GABBR2: variants seen among roughly 807,000 people sequenced by gnomAD.
The protein encoded by GABBR2 is gamma-aminobutyric acid type B receptor subunit 2.
GABBR2 carries 23 observed loss-of-function variants against 105.6 expected under a neutral mutation model. That is an observed-to-expected ratio of 0.22 (90% confidence interval 0.16 to 0.31). The LOEUF (loss-of-function observed/expected upper bound fraction) is 0.31, where lower values mean the gene tolerates loss of function less well. Among genes scored for constraint, GABBR2 ranks in the 10% least tolerant of loss-of-function variants. The pLI is 1.00. For synonymous variants in GABBR2, 478 were observed against 499.7 expected (o/e 0.96, Z 0.58); for missense variants, 734 against 1,245.5 (o/e 0.59, Z 6.18).
intron 2 of GABBR2, among the ~76,000 whole-genome samples, chr9:98,546,170 T>C (rs1168643086): frequency 6.6e-6 from 1 of 152,218 alleles, no homozygotes; most frequent in Non-Finnish European, 1.5e-5. Context: ...ACAAGTTCCA[T>C]GGTGGCTGGA....
chr9:98,397,618 C>T (rs1832317561), intron 8 of GABBR2, among the ~76,000 whole-genome samples: 1 of 152,168 alleles, frequency 6.6e-6, no homozygotes, highest in South Asian at 2.1e-4. Flanking sequence ...GAAATATCTT[C>T]ATATTTTCTT....
At chr9:98,352,487 T>C (rs975862148) in intron 13 of GABBR2, among the ~76,000 whole-genome samples, 15 of 152,030 alleles carry the variant, frequency 9.9e-5, no homozygotes, top group Admixed American at 7.2e-4. Context: ...ATGCCAGTCA[T>C]GGGCAGGGTG....
intron 14 of GABBR2, among the ~76,000 whole-genome samples, chr9:98,310,821 C>T (rs1469093014): frequency 6.6e-6 from 1 of 152,178 alleles, no homozygotes. Context: ...GGGTTACTCT[C>T]TGGTTAAGAT....
intron 13 of GABBR2, among the ~76,000 whole-genome samples, chr9:98,362,221 A>G (rs1196216661): frequency 2.6e-5 from 4 of 152,264 alleles, no homozygotes; most frequent in Non-Finnish European, 5.9e-5. Context: ...ACTGCAAGAC[A>G]ACTAAAAATA....
At chr9:98,650,806 T>C (rs1422480688) in intron 1 of GABBR2, among the ~76,000 whole-genome samples, 3 of 152,236 alleles carry the variant, frequency 2.0e-5, no homozygotes, top group Non-Finnish European at 4.4e-5. Flanking sequence ...GTTTTGAAGA[T>C]ACTGTGTTTA....
intron 13 of GABBR2, among the ~76,000 whole-genome samples, chr9:98,320,022 C>T (rs1830790905): frequency 6.6e-6 from 1 of 152,062 alleles, no homozygotes; most frequent in Non-Finnish European, 1.5e-5. Flanking sequence ...AAAGAAACTA[C>T]CATCAGAGTG....
intron 10 of GABBR2, among the ~76,000 whole-genome samples, chr9:98,386,703 C>T (rs1035024276): frequency 1.3e-5 from 2 of 152,190 alleles, no homozygotes; most frequent in African/African-American, 4.8e-5. Context: ...GGTTGAGGGG[C>T]TCTTTTGCAG....
chr9:98,677,150 C>G (rs987329159), intron 1 of GABBR2, among the ~76,000 whole-genome samples: 1 of 152,252 alleles, frequency 6.6e-6, no homozygotes, highest in South Asian at 2.1e-4. Flanking sequence ...CTATTTGGAG[C>G]CCAACTGCAC....
intron 4 of GABBR2, among the ~76,000 whole-genome samples, chr9:98,487,428 G>T (rs187544320): frequency 8.5e-5 from 13 of 152,274 alleles, no homozygotes; most frequent in African/African-American, 3.1e-4. Flanking sequence ...AGCAAGGGAA[G>T]GGCAGTCCTC....
At chr9:98,539,774 G>A (rs938769579) in intron 3 of GABBR2, among the ~76,000 whole-genome samples, 22 of 151,950 alleles carry the variant, frequency 1.4e-4, no homozygotes, top group African/African-American at 5.1e-4. Flanking sequence ...AAATTAGCTG[G>A]GTGTGGTGGC....
At position 98,388,749 on chromosome 9, in the gene GABBR2, G is replaced by T. The variant is rs1275959947; in HGVS notation, c.1529+105C>A. 2 of 918,002 alleles carry T rather than the reference G, an allele frequency of 2.2e-6. No individual in the cohort carries two copies. Among genetic ancestry groups the T allele is most frequent in the Non-Finnish European group, 3.3e-6 (2 of 607,424 alleles). 56.9% of individuals were successfully genotyped at this position (918,002 alleles called of 1,614,324 possible). A position where few individuals can be genotyped will look rare whatever the true frequency, so the allele number is the denominator to read the frequency against. On this transcript the variant is annotated intron_variant, in intron 10 of 18. Coordinates refer to ENST00000259455, the MANE Select transcript of GABBR2 (RefSeq NM_005458.8). The surrounding 1 kb of genome is among the most constrained non-coding windows in gnomAD (Gnocchi z 4.4). Reference sequence around the variant, plus strand: ...ACACTTTGGGAAACTCTGCCCTGCAGACTTCTGTGTCCCTGGGGAATCTGT... The same window carrying T: ...ACACTTTGGGAAACTCTGCCCTGCATACTTCTGTGTCCCTGGGGAATCTGT...
chr9:98,370,598 G>A (rs1293857441), intron 12 of GABBR2, among the ~76,000 whole-genome samples: 1 of 152,190 alleles, frequency 6.6e-6, no homozygotes, highest in Non-Finnish European at 1.5e-5. Flanking sequence ...CTGCAGGCCT[G>A]AGCTGGGAGA....
chr9:98,336,604 CT>C (rs758235208), intron 13 of GABBR2, among the ~76,000 whole-genome samples: 1 of 152,060 alleles, frequency 6.6e-6, no homozygotes, highest in East Asian at 1.9e-4. Context: ...ACTCGGGAGG[CT>C]GAGGCAGGAG....
rs1588088790 is a variant in GABBR2, at chr9:98,302,067, A to G, written c.2412+1174T>C. 2.0e-5 allele frequency among the ~76,000 whole-genome samples: 3 copies of G among 152,226 alleles called. No individual in the cohort carries two copies. The South Asian group carries it at 6.2e-4, about 32-fold the overall frequency. On this transcript the variant is annotated intron_variant, in intron 16 of 18. Transcript: ENST00000259455. ...TACTTGGGCTAAACTTTTACTGAAA[A>G]TATGATTGGTTGTTGATCTGAAGTC... is the stretch of plus-strand genomic sequence containing the variant.
chr9:98,564,677 C>T (rs1564115919), intron 2 of GABBR2, among the ~76,000 whole-genome samples: 1 of 152,224 alleles, frequency 6.6e-6, no homozygotes, highest in East Asian at 1.9e-4. Context: ...TTAACAGGCC[C>T]TACAGGTGTG....
At chr9:98,647,987 C>A (rs1830049126) in intron 1 of GABBR2, among the ~76,000 whole-genome samples, 1 of 148,424 alleles carries the variant, frequency 6.7e-6, no homozygotes, top group Non-Finnish European at 1.5e-5. Context: ...AATAAATTGA[C>A]AGCAAAAGGA....
chr9:98,307,705 G>GAATAAT (rs140318224), intron 14 of GABBR2, among the ~76,000 whole-genome samples: 1 of 151,716 alleles, frequency 6.6e-6, no homozygotes, highest in Non-Finnish European at 1.5e-5. Context: ...TGTGGACTGG[G>GAATAAT]AATAATAATA....
Position 98,503,095 on chromosome 9 carries a change from A to T in GABBR2, c.631-6581T>A, listed in dbSNP as rs367706068. Among the ~76,000 whole-genome samples the T allele has an allele frequency of 4.6e-5, 7 of 152,302 alleles. No individual in the cohort carries two copies. In the East Asian group the frequency reaches 1.4e-3, roughly 29 times the overall value. On this transcript the variant is annotated intron_variant, in intron 3 of 18. Transcript: ENST00000259455. ...AGGGAATGTGTAAATGTTCACTGAG[A>T]CAAGGACGCTCAAGTTCAGGGGCAG...
chr9:98,464,460 G>A (rs576187504), intron 6 of GABBR2, among the ~76,000 whole-genome samples: 5 of 142,614 alleles, frequency 3.5e-5, no homozygotes, highest in South Asian at 2.3e-4. Context: ...ACTGAGGAGC[G>A]CCTCTGCCTG....
Sources: gnomAD v4.1 joint callset for allele counts (sites outside exome capture counted in the v4.1 genomes callset) on GRCh38, gnomAD v4.1.1 for gene constraint, Gnocchi (gnomAD v3.1) non-coding constraint, MANE v1.5 for transcripts, NCBI Gene and HGNC (gene_info 2026-07-23, HGNC 2026-07-21) for gene names.